The following ABTB2 variants were observed in gnomAD, a reference collection of about 807,000 sequenced individuals.
ABTB2 encodes ankyrin repeat and BTB domain containing 2, also known as ankyrin repeat and BTB/POZ domain-containing protein 2.
In ABTB2, 56 loss-of-function variants were observed where a neutral mutation model predicts 104.1. That is an observed-to-expected ratio of 0.54 (90% CI 0.43 to 0.67). The LOEUF (loss-of-function observed/expected upper bound fraction) is 0.67. Among genes scored for constraint, ABTB2 ranks in the 30% least tolerant of loss-of-function variants. ABTB2 has a pLI of 0.00. For synonymous variants in ABTB2, 606 were observed against 608.2 expected, an observed-to-expected ratio of 1.00 and a Z score of 0.05; for missense variants, 1,279 against 1,407.7, an observed-to-expected ratio of 0.91 and a Z score of 1.46.
At chr11:34,223,580 G>A (rs1306895523) in intron 1 of ABTB2, among the ~76,000 whole-genome samples, 1 of 152,196 alleles carries the variant, frequency 6.6e-6, no homozygotes, top group African/African-American at 2.4e-5. Context: ...TGCCTGGGTG[G>A]CCCATGCTCT....
intron 1 of ABTB2, among the ~76,000 whole-genome samples, chr11:34,227,044 ACT>A (rs1168678272): frequency 4.0e-5 from 6 of 151,766 alleles, no homozygotes; most frequent in South Asian, 2.1e-4. Flanking sequence ...CCTGAAAAAG[ACT>A]CTGTCTCCAA....
At chr11:34,213,183 A>G (rs1055884104) in intron 1 of ABTB2, among the ~76,000 whole-genome samples, 2 of 151,836 alleles carry the variant, frequency 1.3e-5, no homozygotes, top group Admixed American at 1.3e-4. Context: ...CTACTATAAA[A>G]CTCGACAGCC....
At position 34,248,503 on chromosome 11, in the gene ABTB2, G is replaced by T. The variant is rs566118166; in HGVS notation, c.884-43813C>A. On this transcript the variant is annotated intron_variant, in intron 1 of 16. Transcript: ENST00000435224. ...ACTTCATTTCCATTCTACATTCCTA[G>T]AAACCAGGAAGGCTATTACTGAAAG... Among the ~76,000 whole-genome samples, 57 of 152,158 alleles carry T rather than the reference G, an allele frequency of 3.7e-4. No individual in the cohort carries two copies. In the South Asian group the frequency reaches 8.7e-3, roughly 23 times the overall value.
intron 10 of ABTB2, among the ~76,000 whole-genome samples, chr11:34,162,218 C>T (rs117848341): frequency 0.033 from 5,078 of 152,342 alleles, 111 homozygotes; most frequent in Non-Finnish European, 0.052. Flanking sequence ...AGGACTGCCG[C>T]CTCACAGCGT....
intron 1 of ABTB2, among the ~76,000 whole-genome samples, chr11:34,319,786 A>G (rs1191794066): frequency 1.3e-5 from 2 of 152,194 alleles, no homozygotes; most frequent in Non-Finnish European, 2.9e-5. Flanking sequence ...CTCCTGCCTC[A>G]GCCTCCCAAG....
chr11:34,288,260 C>T (rs1362495968), intron 1 of ABTB2, among the ~76,000 whole-genome samples: 1 of 152,184 alleles, frequency 6.6e-6, no homozygotes, highest in Non-Finnish European at 1.5e-5. Flanking sequence ...TACAGCCTAT[C>T]ATTTACATTT....
intron 3 of ABTB2, among the ~76,000 whole-genome samples, chr11:34,180,391 G>T (rs960659334): frequency 6.6e-6 from 1 of 152,218 alleles, no homozygotes; most frequent in Non-Finnish European, 1.5e-5. Flanking sequence ...TGGCGAGGGT[G>T]GGTGAGCAGA....
At chr11:34,188,579 T>TGGGTGGATAAA (rs1853132903) in intron 3 of ABTB2, among the ~76,000 whole-genome samples, 4 of 152,192 alleles carry the variant, frequency 2.6e-5, no homozygotes, top group Non-Finnish European at 5.9e-5. Context: ...TATTCTTATT[T>TGGGTGGATAAA]CATTTACTTC....
At chr11:34,204,796 G>A (rs1853388722) in intron 1 of ABTB2, 106 bp from the exon 2 acceptor site, 4 of 1,310,258 alleles carry the variant, frequency 3.1e-6, no homozygotes, top group Non-Finnish European at 4.1e-6. Context: ...GCTCTTGACA[G>A]AGAGAGGTTC....
At chr11:34,289,645 T>C (rs1247753552) in intron 1 of ABTB2, among the ~76,000 whole-genome samples, 1 of 152,158 alleles carries the variant, frequency 6.6e-6, no homozygotes, top group Non-Finnish European at 1.5e-5. Flanking sequence ...GGCCATAACT[T>C]GAAGCTACCC....
At chr11:34,306,982 TAA>T (rs61161318) in intron 1 of ABTB2, among the ~76,000 whole-genome samples, 7 of 94,562 alleles carry the variant, frequency 7.4e-5, no homozygotes, top group African/African-American at 1.2e-4. Flanking sequence ...TCAGGAAACT[TAA>T]AAAAAAAAAA....
intron 1 of ABTB2, among the ~76,000 whole-genome samples, chr11:34,288,637 G>C (rs907935664): frequency 2.6e-5 from 4 of 152,042 alleles, no homozygotes; most frequent in African/African-American, 7.2e-5. Flanking sequence ...AGGGGCGGGA[G>C]GGGGTAGTTA....
intron 1 of ABTB2, among the ~76,000 whole-genome samples, chr11:34,339,190 G>C (rs1333617216): frequency 6.6e-6 from 1 of 152,126 alleles, no homozygotes. Context: ...CTCCCACCTA[G>C]GCCTCCCAAA....
chr11:34,277,925 C>T (rs1854404188), intron 1 of ABTB2, among the ~76,000 whole-genome samples: 1 of 151,052 alleles, frequency 6.6e-6, no homozygotes, highest in African/African-American at 2.4e-5. Context: ...CTGCCTCAGC[C>T]TCCCAAGTAG....
At chr11:34,156,220 G>A (rs553047530) in intron 14 of ABTB2, among the ~76,000 whole-genome samples, 1 of 152,362 alleles carries the variant, frequency 6.6e-6, no homozygotes, top group South Asian at 2.1e-4. Flanking sequence ...ATGCATATGA[G>A]GCCACAGAAG....
chr11:34,323,132 C>G (rs965580993), intron 1 of ABTB2, among the ~76,000 whole-genome samples: 3 of 152,192 alleles, frequency 2.0e-5, no homozygotes, highest in African/African-American at 7.2e-5. Context: ...GTCTCGAACT[C>G]CTGACCTCAA....
At position 34,182,498 on chromosome 11, in the gene ABTB2, G is replaced by GGGA. The variant is rs1565134520; in HGVS notation, c.1245-9192_1245-9191insTCC. ...CTTGAGGTGGGGCATTGGGTTCTCTGGGGGGGGGGGGAAATTCACTTTTCC... is the reference window on the plus strand; with the variant it reads ...CTTGAGGTGGGGCATTGGGTTCTCTGGGAGGGGGGGGGGGAAATTCACTTTTCC... On this transcript the variant is annotated intron_variant, in intron 3 of 16. Transcript: ENST00000435224. 1.6e-5 allele frequency among the ~76,000 whole-genome samples: 2 copies of GGGA among 122,360 alleles called. 1 individual carries two copies. The highest frequency in any genetic ancestry group is 7.9e-5 in the African/African-American group (2 of 25,326). 80.3% of individuals were successfully genotyped at this position (122,360 alleles called of 152,430 possible). A position where few individuals can be genotyped will look rare whatever the true frequency, so the allele number is the denominator to read the frequency against.
At chr11:34,308,758 C>G (rs998907069) in intron 1 of ABTB2, among the ~76,000 whole-genome samples, 1 of 150,914 alleles carries the variant, frequency 6.6e-6, no homozygotes, top group African/African-American at 2.4e-5. Flanking sequence ...GTATTCCCAG[C>G]TACTCAGGAG....
intron 1 of ABTB2, among the ~76,000 whole-genome samples, chr11:34,225,267 G>C (rs889121676): frequency 1.3e-5 from 2 of 151,686 alleles, no homozygotes; most frequent in African/African-American, 2.4e-5. Flanking sequence ...TTGTCAGCCT[G>C]GTCTCCAGCT....
Sources: gnomAD v4.1 joint callset for allele counts (sites outside exome capture counted in the v4.1 genomes callset) on GRCh38, gnomAD v4.1.1 for gene constraint, MANE v1.5 for transcripts, NCBI Gene and HGNC (gene_info 2026-07-23, HGNC 2026-07-21) for gene names.